The following FAM13C variants were observed in gnomAD, a reference collection of about 807,000 sequenced individuals.
The protein encoded by FAM13C is protein FAM13C.
Under a neutral mutation model 73.2 loss-of-function variants are expected in FAM13C, and 37 were observed. The ratio of observed to expected loss-of-function variants is 0.51; its 90% CI spans 0.39 to 0.67. The LOEUF is 0.67. Ranked by LOEUF, FAM13C falls within the 30% of genes least tolerant of loss-of-function variation. FAM13C has a pLI of 0.00. For missense variants in FAM13C, 589 were observed against 715.6 expected (o/e 0.82, Z 2.02); for synonymous variants, 246 against 260.9 (o/e 0.94, Z 0.55).
chr10:59,350,653 G>C (rs1027011345), intron 3 of FAM13C, among the ~76,000 whole-genome samples: 2 of 152,144 alleles, frequency 1.3e-5, no homozygotes, highest in African/African-American at 4.8e-5. Context: ...TTAATGCAGA[G>C]GGCATTTTCA....
intron 5 of FAM13C, among the ~76,000 whole-genome samples, chr10:59,298,572 C>T (rs1847191950): frequency 6.6e-6 from 1 of 152,190 alleles, no homozygotes; most frequent in Non-Finnish European, 1.5e-5. Context: ...CTTCAGTCTG[C>T]TCCAGCCATA....
In FAM13C at chr10:59,246,197, G is replaced by C. The variant is rs1339207802; in HGVS notation, c.*1417C>G. On this transcript the variant is annotated 3_prime_UTR_variant, in exon 14 of 14. Coordinates refer to ENST00000618804, the MANE Select transcript of FAM13C (RefSeq NM_198215.4). ...TATTTACAATCATATAGAATATATA[G>C]AGTTACATTTTAATAGCAACTGTGT... 1.3e-5 allele frequency: 2 copies of C among 153,008 alleles called. No individual in the cohort carries two copies. The highest frequency in any genetic ancestry group is 6.5e-5 in the Admixed American group (1 of 15,282). The allele number at this position is 153,008 out of a possible 1,614,324, so 9.5% of individuals were successfully genotyped here.
rs376504065 is a variant in FAM13C, at chr10:59,296,685, T to G, written c.507+6116A>C. Among the ~76,000 whole-genome samples the G allele has an allele frequency of 1.4e-4, 21 of 152,318 alleles. No individual in the cohort carries two copies. The East Asian group carries it at 2.3e-3, about 17-fold the overall frequency. On this transcript the variant is annotated intron_variant, in intron 5 of 13. Coordinates refer to ENST00000618804, the MANE Select transcript of FAM13C (RefSeq NM_198215.4). ...TATAAGATAGCCTCTTCCTCTAGAT[T>G]CTAATGGTATTCCTAAGGAATTTAT...
At chr10:59,260,817 T>G (rs1277670597) in intron 10 of FAM13C, among the ~76,000 whole-genome samples, 1 of 152,192 alleles carries the variant, frequency 6.6e-6, no homozygotes, top group Non-Finnish European at 1.5e-5. Context: ...GCAAATGAAC[T>G]ATTATCCACC....
In FAM13C at chr10:59,306,170, T is replaced by C. The variant is rs543001063; in HGVS notation, c.444-3306A>G. 2.4e-3 allele frequency among the ~76,000 whole-genome samples: 365 copies of C among 152,314 alleles called. 1 individual carries two copies. The highest frequency in any genetic ancestry group is 8.2e-3 in the African/African-American group (339 of 41,580). On this transcript the variant is annotated intron_variant, in intron 4 of 13. Transcript: ENST00000618804. ...GGCTTTGGTGCAAGCTCCCTGTTGA[T>C]GAGTGACAGCAGATGGTAAAACAAA...
chr10:59,310,527 A>G (rs1313170111), intron 4 of FAM13C, among the ~76,000 whole-genome samples: 1 of 152,210 alleles, frequency 6.6e-6, no homozygotes, highest in East Asian at 1.9e-4. Flanking sequence ...AATGTCTGCT[A>G]AAGGACTGAG....
intron 3 of FAM13C, among the ~76,000 whole-genome samples, chr10:59,341,483 C>T (rs1452055551): frequency 6.6e-6 from 1 of 152,024 alleles, no homozygotes; most frequent in Non-Finnish European, 1.5e-5. Context: ...AGGTCGGGAG[C>T]TCAAGACCAG....
intron 3 of FAM13C, among the ~76,000 whole-genome samples, chr10:59,332,668 G>A (rs184859436): frequency 1.2e-4 from 19 of 152,294 alleles, no homozygotes; most frequent in African/African-American, 4.3e-4. Context: ...TTCTACTTGT[G>A]TTAAACTTTA....
At chr10:59,264,017 C>A in intron 9 of FAM13C, 68 bp downstream of exon 9, 1 of 1,398,132 alleles carries the variant, frequency 7.2e-7, no homozygotes, top group South Asian at 1.2e-5. Flanking sequence ...CTAAAATGCT[C>A]TGGAGCACAT....
At chr10:59,300,270 G>A (rs1009102759) in intron 5 of FAM13C, among the ~76,000 whole-genome samples, 7 of 152,200 alleles carry the variant, frequency 4.6e-5, no homozygotes, top group African/African-American at 1.7e-4. Context: ...AAGGTACGTA[G>A]GTAGCATCTT....
chr10:59,310,254 C>T (rs1027194821), intron 4 of FAM13C, among the ~76,000 whole-genome samples: 4 of 152,044 alleles, frequency 2.6e-5, no homozygotes, highest in African/African-American at 4.8e-5. Context: ...TAATGTATAC[C>T]CGGATGACTG....
intron 1 of FAM13C, among the ~76,000 whole-genome samples, chr10:59,359,136 C>T (rs2132223053): frequency 6.6e-6 from 1 of 152,334 alleles, no homozygotes; most frequent in Non-Finnish European, 1.5e-5. Flanking sequence ...TACTTCACAG[C>T]TCACCTGCTC....
At chr10:59,284,460 T>A (rs1423969586) in intron 5 of FAM13C, among the ~76,000 whole-genome samples, 1 of 151,526 alleles carries the variant, frequency 6.6e-6, no homozygotes, top group Non-Finnish European at 1.5e-5. Context: ...GCTAGGACCC[T>A]CCAACACACA....
chr10:59,286,437 C>A (rs1272875470), intron 5 of FAM13C, among the ~76,000 whole-genome samples: 2 of 150,264 alleles, frequency 1.3e-5, no homozygotes, highest in African/African-American at 2.5e-5. Flanking sequence ...ATTGCTTGAA[C>A]CCGGGAGTTT....
intron 3 of FAM13C, among the ~76,000 whole-genome samples, chr10:59,342,161 C>T (rs1350674282): frequency 1.3e-5 from 2 of 152,138 alleles, no homozygotes; most frequent in Non-Finnish European, 2.9e-5. Flanking sequence ...GGTGTGCAGA[C>T]TTTGAGGGCA....
rs145887437 is a variant in FAM13C at position 59,353,197 on chromosome 10, G to A, written c.120-723C>T. Among the ~76,000 whole-genome samples the A allele has an allele frequency of 8.0e-4, 122 of 152,238 alleles. 1 individual carries two copies. The highest frequency in any genetic ancestry group is 3.4e-3 in the Middle Eastern group (1 of 294). On this transcript the variant is annotated intron_variant, in intron 2 of 13. Transcript: ENST00000618804. ...GGCTGGGATGGCACTTGTGTTCTTC[G>A]TTCAACAATCAAATTCTGTACAATA...
intron 3 of FAM13C, among the ~76,000 whole-genome samples, chr10:59,336,518 T>G (rs1366353129): frequency 6.6e-6 from 1 of 152,190 alleles, no homozygotes; most frequent in Non-Finnish European, 1.5e-5. Flanking sequence ...CTTGGCTTCT[T>G]CTCTCAAGCC....
intron 11 of FAM13C, chr10:59,253,917 T>C (rs1841661190): frequency 6.1e-6 from 1 of 163,326 alleles, no homozygotes; most frequent in Admixed American, 6.4e-5. Flanking sequence ...TTGTACAGTA[T>C]GGTCAAATGG....
At chr10:59,339,678 G>A (rs962427053) in intron 3 of FAM13C, among the ~76,000 whole-genome samples, 14 of 152,076 alleles carry the variant, frequency 9.2e-5, no homozygotes, top group African/African-American at 3.1e-4. Flanking sequence ...GAAACACCAC[G>A]TTACCAAACC....
Sources: allele counts gnomAD v4.1 joint callset (sites outside exome capture counted in the v4.1 genomes callset), GRCh38; gene constraint gnomAD v4.1.1; transcripts MANE v1.5; gene names NCBI Gene and HGNC (gene_info 2026-07-23, HGNC 2026-07-21).